The following WHRN variants were observed in gnomAD, a reference collection of about 807,000 sequenced individuals.
WHRN encodes whirlin.
A neutral mutation model predicts 68.3 loss-of-function variants in WHRN; 41 were observed. The observed-to-expected ratio is 0.60, with a 90% CI of 0.47 to 0.78. The LOEUF (loss-of-function observed/expected upper bound fraction) is 0.78, where lower values mean the gene tolerates loss of function less well. WHRN is among the 30% of genes least tolerant of loss of function. The pLI is 0.00. For missense variants in WHRN, 1,243 were observed against 1,244.7 expected, an observed-to-expected ratio of 1.00 and a Z score of 0.02; for synonymous variants, 560 against 561.3, an observed-to-expected ratio of 1.00 and a Z score of 0.03.
chr9:114,459,133 C>A (rs1055024022), intron 3 of WHRN, among the ~76,000 whole-genome samples: 1 of 152,112 alleles, frequency 6.6e-6, no homozygotes, highest in Non-Finnish European at 1.5e-5. Context: ...AAGAGACATT[C>A]ACTAAACAAG....
In WHRN at chr9:114,488,303, C is replaced by T. The variant is rs1323739475; in HGVS notation, c.619-9532G>A. ...GGCAGGGCGCACAGGAGGTGCTTGG[C>T]AAATAGTGGGTAGCATTAGTAACAG... On this transcript the variant is annotated intron_variant, in intron 1 of 11. Transcript: ENST00000362057. Among the ~76,000 whole-genome samples the T allele has an allele frequency of 2.0e-5, 3 of 152,108 alleles. No individual in the cohort carries two copies. In the East Asian group the frequency reaches 5.8e-4, roughly 29 times the overall value.
At chr9:114,488,910 T>C (rs1336224884) in intron 1 of WHRN, among the ~76,000 whole-genome samples, 1 of 152,120 alleles carries the variant, frequency 6.6e-6, no homozygotes, top group Non-Finnish European at 1.5e-5. Flanking sequence ...AAAACATACG[T>C]GGACTCTGAC....
chr9:114,497,673 G>T (rs923801997), intron 1 of WHRN, among the ~76,000 whole-genome samples: 3 of 152,208 alleles, frequency 2.0e-5, no homozygotes, highest in Non-Finnish European at 2.9e-5. Context: ...CACTTCTGGG[G>T]ATGTGGTTTG....
At chr9:114,428,319 GA>G (rs1837077515) in intron 3 of WHRN, among the ~76,000 whole-genome samples, 1 of 152,208 alleles carries the variant, frequency 6.6e-6, no homozygotes, top group South Asian at 2.1e-4. Flanking sequence ...GACAGAGCAA[GA>G]CTCTGTATTA....
At chr9:114,414,927 A>G (rs964008210) in intron 7 of WHRN, among the ~76,000 whole-genome samples, 3 of 152,164 alleles carry the variant, frequency 2.0e-5, no homozygotes, top group African/African-American at 7.2e-5. Context: ...CTGGACAGGA[A>G]CAACAGCCTC....
At chr9:114,419,548 G>A (rs181504219) in intron 7 of WHRN, among the ~76,000 whole-genome samples, 22 of 152,336 alleles carry the variant, frequency 1.4e-4, no homozygotes, top group Admixed American at 5.2e-4. Context: ...GGAAGCCCGG[G>A]GGCAAGAGGA....
At chr9:114,475,223 C>T (rs1390378655) in intron 2 of WHRN, among the ~76,000 whole-genome samples, 2 of 152,160 alleles carry the variant, frequency 1.3e-5, no homozygotes, top group Non-Finnish European at 2.9e-5. Context: ...CAAGGTCTTA[C>T]CATCCCTGCC....
At chr9:114,484,147 C>A (rs1197285800) in intron 1 of WHRN, among the ~76,000 whole-genome samples, 2 of 152,176 alleles carry the variant, frequency 1.3e-5, no homozygotes, top group Non-Finnish European at 2.9e-5. Flanking sequence ...AGGATACGCA[C>A]CCCAACTCGG....
chr9:114,457,865 A>G (rs7860915), intron 3 of WHRN, among the ~76,000 whole-genome samples: 111,788 of 150,090 alleles, frequency 0.74, 41,842 homozygotes, highest in East Asian at 0.97. Flanking sequence ...GCAGTGAGCC[A>G]AGATGGTGCC....
intron 1 of WHRN, among the ~76,000 whole-genome samples, chr9:114,497,264 A>G (rs904887923): frequency 3.9e-4 from 59 of 152,296 alleles, no homozygotes; most frequent in African/African-American, 1.4e-3. Context: ...ACTCAGGTGG[A>G]GAGAAAAAAA....
chr9:114,414,008 G>A (rs1835640323), intron 7 of WHRN, among the ~76,000 whole-genome samples: 1 of 152,186 alleles, frequency 6.6e-6, no homozygotes, highest in South Asian at 2.1e-4. Context: ...GAGCCCTCAG[G>A]ATAAGGCTGG....
At chr9:114,493,256 C>G (rs1264150102) in intron 1 of WHRN, among the ~76,000 whole-genome samples, 1 of 150,690 alleles carries the variant, frequency 6.6e-6, no homozygotes, top group Non-Finnish European at 1.5e-5. Flanking sequence ...GAGGCTGAGG[C>G]AAGCAGATCA....
At chr9:114,403,788 T>A in intron 10 of WHRN, 108 bp downstream of exon 10, 1 of 1,378,698 alleles carries the variant, frequency 7.3e-7, no homozygotes, top group Non-Finnish European at 1.0e-6. Context: ...GCTCACTACC[T>A]CCCTTTGTGG....
chr9:114,466,914 G>A (rs1840753212), intron 2 of WHRN, among the ~76,000 whole-genome samples: 1 of 149,230 alleles, frequency 6.7e-6, no homozygotes, highest in South Asian at 2.1e-4. Flanking sequence ...TGCCTCCCCA[G>A]GGGTCTCCTA....
At chr9:114,488,725 C>T (rs1434076592) in intron 1 of WHRN, among the ~76,000 whole-genome samples, 1 of 152,172 alleles carries the variant, frequency 6.6e-6, no homozygotes, top group Non-Finnish European at 1.5e-5. Flanking sequence ...GCCCCAGTAG[C>T]TTATTTTAAT....
chr9:114,422,444 G>A (rs1836375555), intron 7 of WHRN, among the ~76,000 whole-genome samples: 1 of 152,178 alleles, frequency 6.6e-6, no homozygotes, highest in South Asian at 2.1e-4. Context: ...CCTTGCAAAC[G>A]TCTCCTGGGA....
At chr9:114,422,489 A>G (rs1433869544) in intron 7 of WHRN, among the ~76,000 whole-genome samples, 1 of 152,166 alleles carries the variant, frequency 6.6e-6, no homozygotes, top group East Asian at 1.9e-4. Context: ...GGGCAGAACC[A>G]TATCTTGAGA....
rs545251395 is a variant in WHRN, at chr9:114,426,251, C to A, written c.1126G>T (p.Ala376Ser). 147 of 1,612,680 alleles carry A rather than the reference C, an allele frequency of 9.1e-5. 2 individuals are homozygous for A. In the Middle Eastern group the frequency reaches 1.0e-3, roughly 11 times the overall value. ...RTTVDETKWI[A>S]SSRIRETMAN... ...ATGGTCTCCCTGATCCGGGAACTGG[C>A]GATCCACTTGGTCTCGTCCACAGTG... is the stretch of plus-strand genomic sequence containing the variant. Residue 376 changes from alanine to serine, a missense_variant, in exon 4 of 12, where the codon GCC becomes TCC. Physicochemically the swap from Ala to Ser is moderately conservative, Grantham distance 99. Coordinates refer to ENST00000362057, the MANE Select transcript of WHRN (RefSeq NM_015404.4).
intron 7 of WHRN, among the ~76,000 whole-genome samples, chr9:114,420,677 A>T (rs1402615820): frequency 1.3e-5 from 2 of 151,488 alleles, no homozygotes; most frequent in East Asian, 3.9e-4. Context: ...CACTTTCCAG[A>T]CCCTCCACGA....
Sources: allele counts gnomAD v4.1 joint callset (sites outside exome capture counted in the v4.1 genomes callset), GRCh38; gene constraint gnomAD v4.1.1; transcripts MANE v1.5; gene names NCBI Gene and HGNC (gene_info 2026-07-23, HGNC 2026-07-21).